DCDC2: variants seen among roughly 807,000 people sequenced by gnomAD.
DCDC2 encodes the protein doublecortin domain-containing protein 2.
DCDC2 carries 40 observed loss-of-function variants against 50.2 expected under a neutral mutation model. The ratio of observed to expected loss-of-function variants is 0.80; its 90% CI spans 0.62 to 1.04. The LOEUF is 1.04. DCDC2 is among the 50% of genes least tolerant of loss of function. DCDC2 has a pLI of 0.00. For missense variants in DCDC2, 570 were observed against 581.9 expected, an observed-to-expected ratio of 0.98 and a Z score of 0.21; for synonymous variants, 234 against 210.6, an observed-to-expected ratio of 1.11 and a Z score of -0.96.
chr6:24,326,288 T>C (rs1161684844), intron 2 of DCDC2, among the ~76,000 whole-genome samples: 2 of 148,832 alleles, frequency 1.3e-5, no homozygotes, highest in African/African-American at 4.9e-5. Context: ...ACCTCTCTTT[T>C]TGACTCAAGC....
At chr6:24,369,047 T>C in the DCDC2 span, among the ~76,000 whole-genome samples, 2 of 149,156 alleles carry the variant, frequency 1.3e-5, no homozygotes, top group Non-Finnish European at 3.0e-5. Flanking sequence ...GGCAGGAGAA[T>C]TGCTTGAACC....
chr6:24,289,660 C>T (rs1014451766), intron 5 of DCDC2, among the ~76,000 whole-genome samples: 1 of 152,144 alleles, frequency 6.6e-6, no homozygotes, highest in Non-Finnish European at 1.5e-5. Context: ...AGCGATAAGT[C>T]AGCTGGTAAA....
intron 7 of DCDC2, among the ~76,000 whole-genome samples, chr6:24,268,698 A>G (rs1763177771): frequency 6.6e-6 from 1 of 152,016 alleles, no homozygotes; most frequent in Non-Finnish European, 1.5e-5. Flanking sequence ...TAGCCTCCCA[A>G]GTAGCTGAGA....
chr6:24,209,633 G>T (rs1220378824), intron 7 of DCDC2, among the ~76,000 whole-genome samples: 2 of 152,148 alleles, frequency 1.3e-5, no homozygotes, highest in Non-Finnish European at 2.9e-5. Flanking sequence ...CTTTTACTGA[G>T]CATTAGTATA....
intron 7 of DCDC2, among the ~76,000 whole-genome samples, chr6:24,208,830 C>G (rs1761787146): frequency 6.6e-6 from 1 of 152,218 alleles, no homozygotes; most frequent in Non-Finnish European, 1.5e-5. Context: ...TGTCAGCCTC[C>G]TAACAGGTTT....
rs184392814 is a variant in DCDC2, at chr6:24,317,940, A to C, written c.349-15896T>G. Among the ~76,000 whole-genome samples, 239 of 152,122 alleles carry C rather than the reference A, an allele frequency of 1.6e-3. 1 individual carries two copies. Among genetic ancestry groups the C allele is most frequent in the East Asian group, 9.6e-4 (5 of 5,184 alleles). On this transcript the variant is annotated intron_variant, in intron 2 of 9. Transcript: ENST00000378454. ...AACTAGAGAAATGCAAATTAGAACAACACCAAGATACCATTTCTCACCTAC... is the reference window on the plus strand; with the variant it reads ...AACTAGAGAAATGCAAATTAGAACACCACCAAGATACCATTTCTCACCTAC...
intron 2 of DCDC2, among the ~76,000 whole-genome samples, chr6:24,316,730 A>C (rs908067118): frequency 6.6e-6 from 1 of 152,176 alleles, no homozygotes. Context: ...TCCTGATAAA[A>C]TAATTAAGAT....
At chr6:24,370,191 G>A in the DCDC2 span, among the ~76,000 whole-genome samples, 1 of 152,204 alleles carries the variant, frequency 6.6e-6, no homozygotes, top group African/African-American at 2.4e-5. Context: ...AATGGATATA[G>A]AGGCTACTGT....
chr6:24,370,927 A>G, the DCDC2 span, among the ~76,000 whole-genome samples: 1 of 152,116 alleles, frequency 6.6e-6, no homozygotes, highest in Non-Finnish European at 1.5e-5. Flanking sequence ...ATAAATACAG[A>G]AGGAAAAAAA....
At chr6:24,337,327 C>T (rs558172018) in intron 2 of DCDC2, among the ~76,000 whole-genome samples, 1 of 152,074 alleles carries the variant, frequency 6.6e-6, no homozygotes, top group Non-Finnish European at 1.5e-5. Context: ...CCTATGGGAG[C>T]CTTTTTATAA....
chr6:24,381,579 C>T, the DCDC2 span, among the ~76,000 whole-genome samples: 3 of 152,288 alleles, frequency 2.0e-5, no homozygotes, highest in South Asian at 4.1e-4. Context: ...ATTCTAATTG[C>T]GGCACAATTT....
At chr6:24,297,883 G>A (rs573514002) in intron 4 of DCDC2, among the ~76,000 whole-genome samples, 1 of 152,278 alleles carries the variant, frequency 6.6e-6, no homozygotes, top group Non-Finnish European at 1.5e-5. Context: ...TATAAAGATT[G>A]AAAATTAGAC....
intron 2 of DCDC2, among the ~76,000 whole-genome samples, chr6:24,304,243 G>A (rs536370034): frequency 6.6e-6 from 1 of 152,348 alleles, no homozygotes; most frequent in South Asian, 2.1e-4. Flanking sequence ...AACACTTTGG[G>A]AGGCTGAGGC....
At chr6:24,273,771 T>A (rs969661151) in intron 7 of DCDC2, among the ~76,000 whole-genome samples, 1 of 152,230 alleles carries the variant, frequency 6.6e-6, no homozygotes, top group Non-Finnish European at 1.5e-5. Context: ...TAACGCTTCA[T>A]GCTTGGGGCG....
intron 8 of DCDC2, among the ~76,000 whole-genome samples, chr6:24,199,327 CTT>C (rs1761528822): frequency 6.6e-6 from 1 of 152,216 alleles, no homozygotes; most frequent in South Asian, 2.1e-4. Flanking sequence ...AGGCAGCAAT[CTT>C]TGCTGTTCTG....
chr6:24,238,779 A>C (rs1762506689), intron 7 of DCDC2, among the ~76,000 whole-genome samples: 1 of 152,184 alleles, frequency 6.6e-6, no homozygotes, highest in African/African-American at 2.4e-5. Context: ...TCCTCCACGC[A>C]GTTCTGCAGA....
intron 2 of DCDC2, among the ~76,000 whole-genome samples, chr6:24,307,330 A>G (rs1481330163): frequency 6.6e-6 from 1 of 152,242 alleles, no homozygotes; most frequent in African/African-American, 2.4e-5. Context: ...CTCTTGGAAG[A>G]ACTGATTATA....
chr6:24,266,581 T>C (rs1006558685), intron 7 of DCDC2, among the ~76,000 whole-genome samples: 1 of 152,198 alleles, frequency 6.6e-6, no homozygotes, highest in African/African-American at 2.4e-5. Flanking sequence ...CTCAACATTA[T>C]TGATCATTAG....
chr6:24,338,542 C>T (rs979095554), intron 2 of DCDC2, among the ~76,000 whole-genome samples: 1 of 152,210 alleles, frequency 6.6e-6, no homozygotes, highest in Non-Finnish European at 1.5e-5. Flanking sequence ...ATGAGTGGCA[C>T]ATTTACCTCC....
Sources: gnomAD v4.1 joint callset for allele counts (sites outside exome capture counted in the v4.1 genomes callset) on GRCh38, gnomAD v4.1.1 for gene constraint, MANE v1.5 for transcripts, NCBI Gene and HGNC (gene_info 2026-07-23, HGNC 2026-07-21) for gene names.